The following SYNE1 variants were observed in gnomAD, a reference collection of about 807,000 sequenced individuals.
SYNE1 encodes the protein spectrin repeat containing nuclear envelope protein 1.
In SYNE1, 616 loss-of-function variants were observed where a neutral mutation model predicts 1,111.0. The ratio of observed to expected loss-of-function variants is 0.55; its 90% CI spans 0.52 to 0.59. The LOEUF is 0.59. SYNE1 is among the 20% of genes least tolerant of loss of function. The pLI, the probability that SYNE1 is intolerant of heterozygous loss-of-function variation, is 0.00. For synonymous variants in SYNE1, 3,855 were observed against 3,825.8 expected (o/e 1.01, Z -0.28); for missense variants, 10,006 against 10,417.0 (o/e 0.96, Z 1.72).
chr6:152,426,277 C>T (rs1410576768), intron 38 of SYNE1, among the ~76,000 whole-genome samples: 1 of 152,228 alleles, frequency 6.6e-6, no homozygotes, highest in Non-Finnish European at 1.5e-5. Context: ...CCTTCCCTTC[C>T]TAGTGAGGCC....
chr6:152,545,217 T>C (rs2099303729), intron 3 of SYNE1, among the ~76,000 whole-genome samples: 1 of 152,178 alleles, frequency 6.6e-6, no homozygotes, highest in Admixed American at 6.5e-5. Flanking sequence ...TCATAAAATA[T>C]CATAAAGAGC....
chr6:152,491,228 G>T (rs947673271), intron 11 of SYNE1, among the ~76,000 whole-genome samples: 1 of 151,916 alleles, frequency 6.6e-6, no homozygotes, highest in Admixed American at 6.6e-5. Context: ...ATCACTGTGG[G>T]GATGCCTGCC....
chr6:152,404,915 A>G (rs1007657562), intron 45 of SYNE1: 1 of 152,584 alleles, frequency 6.6e-6, no homozygotes, highest in Non-Finnish European at 1.5e-5. Flanking sequence ...TGTAAACTTC[A>G]TTAGTTATAT....
At chr6:152,429,477 G>C (rs2098407410) in intron 36 of SYNE1, among the ~76,000 whole-genome samples, 1 of 152,008 alleles carries the variant, frequency 6.6e-6, no homozygotes, top group Non-Finnish European at 1.5e-5. Flanking sequence ...CTTCCAGATG[G>C]CCTTTGTCAA....
intron 115 of SYNE1, among the ~76,000 whole-genome samples, chr6:152,226,183 C>T (rs1014987797): frequency 4.6e-5 from 7 of 152,044 alleles, no homozygotes; most frequent in Admixed American, 2.0e-4. Flanking sequence ...ATGTCAGAAA[C>T]TGTAATATTA....
rs915868828 is a variant in SYNE1, at chr6:152,359,239, T to C, written c.10443+76A>G. 5.6e-6 allele frequency: 9 copies of C among 1,593,538 alleles called. No individual in the cohort carries two copies. The Admixed American group carries it at 6.7e-5, about 12-fold the overall frequency. On this transcript the variant is annotated intron_variant, in intron 65 of 145. Transcript: ENST00000367255. ...TTCCCAAGCCTGTCATTCTTGAACA[T>C]AAATGAGTCTTTAAAGGAGCACAGC...
Position 152,349,213 on chromosome 6 carries a change from G to GTGGTAAACA in SYNE1, c.11901+946_11901+954dup, listed in dbSNP as rs2096698447. 4.6e-5 allele frequency among the ~76,000 whole-genome samples: 7 copies of GTGGTAAACA among 152,312 alleles called. 1 individual carries two copies. In the South Asian group the frequency reaches 1.4e-3, roughly 32 times the overall value. ...AAATTGTGACCATAACGTCTATCAC[G>GTGGTAAACA]TGGTAAACACGATTACTAAAAATAC... On this transcript the variant is annotated intron_variant, in intron 72 of 145. Transcript: ENST00000367255.
At position 152,610,072 on chromosome 6, in the gene SYNE1, C is replaced by A. The variant is rs960108438; in HGVS notation, c.67+18193G>T. Among the ~76,000 whole-genome samples, 6 of 152,304 alleles carry A rather than the reference C, an allele frequency of 3.9e-5. No homozygotes were observed. The East Asian group carries it at 1.2e-3, about 29-fold the overall frequency. On this transcript the variant is annotated intron_variant, in intron 3 of 145. Coordinates refer to ENST00000367255, the MANE Select transcript of SYNE1 (RefSeq NM_182961.4). ...GCAGAAAACCTGAAAATTCTAAACACCAGAGTGCCTCTTCTCCTCCAAAGG... is the reference window on the plus strand; with the variant it reads ...GCAGAAAACCTGAAAATTCTAAACAACAGAGTGCCTCTTCTCCTCCAAAGG...
rs775925423 is a variant in SYNE1 at position 152,447,592 on chromosome 6, C to T, written c.3535G>A (p.Glu1179Lys). 4 of 1,614,176 alleles carry T rather than the reference C, an allele frequency of 2.5e-6. No individual in the cohort carries two copies. In the South Asian group the frequency reaches 3.3e-5, roughly 13 times the overall value. Reference sequence around the variant, plus strand: ...CTGGATTTCAGCCAGCTGAGGGTCTCACCCCTTTTGGTAACACCATTTCTG... The same window carrying T: ...CTGGATTTCAGCCAGCTGAGGGTCTTACCCCTTTTGGTAACACCATTTCTG... ...EIRNGVTKRG[E>K]TLSWLKSRLK... The change falls in exon 29 of 146, where the codon GAG becomes AAG. Residue 1179 changes from glutamate to lysine, a missense_variant. Transcript: ENST00000367255.
At chr6:152,606,953 A>G (rs1276029800) in intron 3 of SYNE1, among the ~76,000 whole-genome samples, 2 of 125,098 alleles carry the variant, frequency 1.6e-5, no homozygotes, top group African/African-American at 3.1e-5. Flanking sequence ...CGCGCCCGGC[A>G]AAAGGAAAGG....
At chr6:152,260,893 C>A (rs1361377488) in intron 101 of SYNE1, among the ~76,000 whole-genome samples, 1 of 152,078 alleles carries the variant, frequency 6.6e-6, no homozygotes, top group Non-Finnish European at 1.5e-5. Flanking sequence ...TGCTCACCTG[C>A]CTGCCGCTCA....
rs578181432 is a variant in SYNE1, at chr6:152,436,269, G to T, written c.4150-168C>A. Among the ~76,000 whole-genome samples the T allele has an allele frequency of 3.9e-5, 6 of 152,166 alleles. No homozygotes were observed. The East Asian group carries it at 1.2e-3, about 29-fold the overall frequency. ...CAATAAATCTGACTTATTTCCATAT[G>T]GCCAAAATAGACACTTTGCTAACAG... On this transcript the variant is annotated intron_variant, in intron 32 of 145. Coordinates refer to ENST00000367255, the MANE Select transcript of SYNE1 (RefSeq NM_182961.4).
intron 66 of SYNE1, among the ~76,000 whole-genome samples, chr6:152,357,201 A>G (rs1335670541): frequency 6.6e-6 from 1 of 152,138 alleles, no homozygotes; most frequent in Non-Finnish European, 1.5e-5. Flanking sequence ...CTGTGGATGA[A>G]ATTGGGTCAG....
intron 74 of SYNE1, among the ~76,000 whole-genome samples, chr6:152,342,168 C>T (rs2096546624): frequency 6.6e-6 from 1 of 152,178 alleles, no homozygotes; most frequent in African/African-American, 2.4e-5. Context: ...TCAGTATCCT[C>T]CTGTGACCAC....
chr6:152,218,881 T>C (rs145524634), intron 120 of SYNE1, 122 bp downstream of exon 120: 562 of 1,045,036 alleles, frequency 5.4e-4, no homozygotes, highest in Admixed American at 2.5e-3. Flanking sequence ...TTTGTTTACT[T>C]GCTATTTTCT....
chr6:152,573,610 C>G (rs1398421151), intron 3 of SYNE1, among the ~76,000 whole-genome samples: 1 of 152,062 alleles, frequency 6.6e-6, no homozygotes, highest in African/African-American at 2.4e-5. Flanking sequence ...AAAAAATGTT[C>G]AAGAAGATTT....
chr6:152,552,405 T>C (rs2099350307), intron 3 of SYNE1, among the ~76,000 whole-genome samples: 1 of 151,106 alleles, frequency 6.6e-6, no homozygotes, highest in South Asian at 2.1e-4. Flanking sequence ...TAAATGTTCC[T>C]TCTCTCTCTC....
intron 3 of SYNE1, among the ~76,000 whole-genome samples, chr6:152,610,454 T>G (rs1042825794): frequency 1.3e-5 from 2 of 151,728 alleles, no homozygotes; most frequent in Admixed American, 1.3e-4. Context: ...GAAAAAAAAG[T>G]AAAAAGAAAT....
chr6:152,476,949 T>C (rs2098838543), intron 14 of SYNE1, among the ~76,000 whole-genome samples: 1 of 151,242 alleles, frequency 6.6e-6, no homozygotes, highest in South Asian at 2.1e-4. Context: ...AAATCAACAA[T>C]GCCAAAGTGT....
Sources: gnomAD v4.1 joint callset for allele counts (sites outside exome capture counted in the v4.1 genomes callset) on GRCh38, gnomAD v4.1.1 for gene constraint, MANE v1.5 for transcripts, NCBI Gene and HGNC (gene_info 2026-07-23, HGNC 2026-07-21) for gene names.